SMAP1: variants seen among roughly 807,000 people sequenced by gnomAD.
SMAP1 encodes small ArfGAP 1.
A neutral mutation model predicts 58.5 loss-of-function variants in SMAP1; 24 were observed. The ratio of observed to expected loss-of-function variants is 0.41; its 90% CI spans 0.30 to 0.58. SMAP1 has a LOEUF of 0.58. SMAP1 is among the 20% of genes least tolerant of loss of function. The pLI, the probability that SMAP1 is intolerant of heterozygous loss-of-function variation, is 0.29. For missense variants in SMAP1, 563 were observed against 566.3 expected (o/e 0.99, Z 0.06); for synonymous variants, 216 against 196.6 (o/e 1.10, Z -0.82).
chr6:70,823,066 AC>A (rs755660379), intron 6 of SMAP1, among the ~76,000 whole-genome samples: 4 of 152,202 alleles, frequency 2.6e-5, no homozygotes, highest in Admixed American at 1.3e-4. Flanking sequence ...CCCTTAGCAT[AC>A]TAATGATAGC....
intron 5 of SMAP1, among the ~76,000 whole-genome samples, chr6:70,794,336 A>G (rs1252964248): frequency 1.3e-5 from 2 of 152,224 alleles, no homozygotes; most frequent in Non-Finnish European, 2.9e-5. Context: ...GTCAAACTGC[A>G]TGATGAGTTT....
chr6:70,706,109 G>A (rs1767826318), intron 1 of SMAP1, among the ~76,000 whole-genome samples: 2 of 152,124 alleles, frequency 1.3e-5, no homozygotes, highest in African/African-American at 2.4e-5. Flanking sequence ...CACCGAAAGG[G>A]AAAGAGAGGT....
chr6:70,709,676 T>C (rs1331165333), intron 1 of SMAP1, among the ~76,000 whole-genome samples: 1 of 152,222 alleles, frequency 6.6e-6, no homozygotes, highest in Non-Finnish European at 1.5e-5. Context: ...TTTTTCTTTC[T>C]TAAGATTGTT....
Position 70,861,736 on chromosome 6 carries a change from T to C in SMAP1, c.*1402T>C. On this transcript the variant is annotated 3_prime_UTR_variant, in exon 11 of 11. Coordinates refer to ENST00000370455, the MANE Select transcript of SMAP1 (RefSeq NM_001044305.3). The stretch of plus-strand genomic sequence containing the variant: ...TAGATTAACCTTCTCTGTCCGAGTG[T>C]GCCACACGAGAACCTGAAGGGGAAG... 1 of 1,614,108 alleles carries C rather than the reference T, an allele frequency of 6.2e-7. No homozygotes were observed. The highest frequency in any genetic ancestry group is 8.5e-7 in the Non-Finnish European group (1 of 1,179,982).
intron 6 of SMAP1, among the ~76,000 whole-genome samples, chr6:70,813,719 A>AT (rs199921486): frequency 3.6e-5 from 5 of 140,102 alleles, no homozygotes; most frequent in Non-Finnish European, 6.6e-5. Context: ...GTCTTTTAAC[A>AT]TTTTTAAAAA....
intron 1 of SMAP1, among the ~76,000 whole-genome samples, chr6:70,686,133 T>A (rs1008924476): frequency 3.3e-5 from 5 of 152,192 alleles, no homozygotes; most frequent in Non-Finnish European, 5.9e-5. Context: ...TAAGCTCTTA[T>A]GAAAATTTCT....
intron 8 of SMAP1, among the ~76,000 whole-genome samples, chr6:70,853,479 A>C (rs1309557759): frequency 6.6e-6 from 1 of 152,206 alleles, no homozygotes; most frequent in Non-Finnish European, 1.5e-5. Flanking sequence ...AACTGAGTCA[A>C]ATCTGAATTG....
At chr6:70,825,994 GTTC>G (rs1353795208) in intron 6 of SMAP1, among the ~76,000 whole-genome samples, 3 of 152,330 alleles carry the variant, frequency 2.0e-5, no homozygotes, top group African/African-American at 4.8e-5. Context: ...TAGGAAACGT[GTTC>G]TTCATTTTTG....
intron 4 of SMAP1, among the ~76,000 whole-genome samples, chr6:70,783,482 C>T (rs899183208): frequency 2.6e-5 from 4 of 152,138 alleles, no homozygotes; most frequent in Admixed American, 2.0e-4. Flanking sequence ...GAGAAGAAGG[C>T]TTCAGACGAA....
chr6:70,756,751 G>C (rs1212053017), intron 3 of SMAP1, among the ~76,000 whole-genome samples: 1 of 152,116 alleles, frequency 6.6e-6, no homozygotes, highest in East Asian at 1.9e-4. Flanking sequence ...CAAATCATGA[G>C]TGAACTCCCA....
At chr6:70,724,897 T>C (rs34076245) in intron 1 of SMAP1, among the ~76,000 whole-genome samples, 4,084 of 151,936 alleles carry the variant, frequency 0.027, 92 homozygotes, top group Non-Finnish European at 0.035. Flanking sequence ...TCCCAAACAT[T>C]CTATTGAGTG....
In SMAP1 at chr6:70,823,261, C is replaced by T. The variant is rs185278040; in HGVS notation, c.577-13680C>T. On this transcript the variant is annotated intron_variant, in intron 6 of 10. Transcript: ENST00000370455. ...GATAAATAGGACTTTATTAATATTT[C>T]GGGGGAGGGGAAGTGTTCTATAATC... 3.3e-3 allele frequency among the ~76,000 whole-genome samples: 508 copies of T among 152,138 alleles called. 4 individuals carry two copies. The highest frequency in any genetic ancestry group is 0.011 in the African/African-American group (466 of 41,520).
At chr6:70,719,274 C>G (rs1466034484) in intron 1 of SMAP1, among the ~76,000 whole-genome samples, 1 of 152,188 alleles carries the variant, frequency 6.6e-6, no homozygotes. Flanking sequence ...AGAAACTGAT[C>G]TTCATAGTGT....
At chr6:70,824,185 C>T (rs188605764) in intron 6 of SMAP1, among the ~76,000 whole-genome samples, 38 of 152,172 alleles carry the variant, frequency 2.5e-4, no homozygotes, top group Admixed American at 3.3e-4. Flanking sequence ...TTTTCCAGTT[C>T]GTTCAGCTTT....
chr6:70,731,723 T>C (rs1765438916), intron 1 of SMAP1, among the ~76,000 whole-genome samples: 1 of 152,266 alleles, frequency 6.6e-6, no homozygotes, highest in Non-Finnish European at 1.5e-5. Context: ...GATTTAGCCA[T>C]GTTGATGCAA....
chr6:70,740,579 T>C (rs1562126374), intron 2 of SMAP1, among the ~76,000 whole-genome samples: 1 of 152,222 alleles, frequency 6.6e-6, no homozygotes, highest in Admixed American at 6.5e-5. Context: ...CTGTTATACC[T>C]GTCCTGCTCA....
At chr6:70,756,648 A>G (rs12196313) in intron 3 of SMAP1, among the ~76,000 whole-genome samples, 2 of 152,110 alleles carry the variant, frequency 1.3e-5, no homozygotes, top group African/African-American at 4.8e-5. Flanking sequence ...ACCTCATTTC[A>G]TTGGCCCAAG....
intron 1 of SMAP1, among the ~76,000 whole-genome samples, chr6:70,707,594 A>G (rs1389023965): frequency 6.6e-6 from 1 of 152,090 alleles, no homozygotes; most frequent in African/African-American, 2.4e-5. Flanking sequence ...CACATTTTAA[A>G]CATTTATTTA....
Position 70,861,865 on chromosome 6 carries a change from C to T in SMAP1, c.*1531C>T, listed in dbSNP as rs750030557. The T allele has an allele frequency of 1.2e-5, 20 of 1,613,804 alleles. No homozygotes were observed. Among genetic ancestry groups the T allele is most frequent in the African/African-American group, 2.7e-5 (2 of 74,846 alleles). ...TTATTTGCTTTCGGTTCCAGTTCTT[C>T]GACTGTTGTTATCTGTTTGAGAAAG... On this transcript the variant is annotated 3_prime_UTR_variant, in exon 11 of 11. Transcript: ENST00000370455.
Sources: gnomAD v4.1 joint callset for allele counts (sites outside exome capture counted in the v4.1 genomes callset) on GRCh38, gnomAD v4.1.1 for gene constraint, MANE v1.5 for transcripts, NCBI Gene and HGNC (gene_info 2026-07-23, HGNC 2026-07-21) for gene names.